PRKD1: variants seen among roughly 807,000 people sequenced by gnomAD.
PRKD1 encodes the protein protein kinase D1.
Under a neutral mutation model 95.9 loss-of-function variants are expected in PRKD1, and 63 were observed. The ratio of observed to expected loss-of-function variants is 0.66; its 90% CI spans 0.54 to 0.81. PRKD1 has a LOEUF of 0.81. PRKD1 is among the 30% of genes least tolerant of loss of function. The probability of loss-of-function intolerance (pLI) is 0.00; values close to 1 mark genes in which losing one functional copy is unlikely to be tolerated. For synonymous variants in PRKD1, 425 were observed against 423.1 expected (o/e 1.00, Z -0.05); for missense variants, 1,048 against 1,165.3 (o/e 0.90, Z 1.47).
chr14:29,752,458 G>A lies in PRKD1; in HGVS notation c.265-26784C>T, dbSNP rs1887521293. 2.0e-5 allele frequency among the ~76,000 whole-genome samples: 3 copies of A among 151,976 alleles called. No homozygotes were observed. In the South Asian group the frequency reaches 6.2e-4, roughly 32 times the overall value. On this transcript the variant is annotated intron_variant, in intron 1 of 17. Coordinates refer to ENST00000331968, the MANE Select transcript of PRKD1 (RefSeq NM_002742.3). ...TGTAACTTCCCTATAAAACTGCAGG[G>A]AAAGATAAAGTAATGGCTGGAGGTG...
chr14:29,631,744 C>T (rs2139115121), intron 9 of PRKD1, among the ~76,000 whole-genome samples: 1 of 152,176 alleles, frequency 6.6e-6, no homozygotes, highest in Admixed American at 6.5e-5. Flanking sequence ...ATGCTGCCTG[C>T]CTCGGTGTCC....
chr14:29,837,451 A>C (rs571868470), intron 1 of PRKD1, among the ~76,000 whole-genome samples: 5 of 152,184 alleles, frequency 3.3e-5, no homozygotes, highest in Non-Finnish European at 7.4e-5. Flanking sequence ...GAATTTAAAG[A>C]AGCTTACTAT....
chr14:29,699,580 T>G (rs1884721406), intron 2 of PRKD1, among the ~76,000 whole-genome samples: 1 of 152,192 alleles, frequency 6.6e-6, no homozygotes, highest in African/African-American at 2.4e-5. Context: ...TGGCAAAGTT[T>G]TCTCCAATTC....
intron 16 of PRKD1, among the ~76,000 whole-genome samples, chr14:29,580,208 C>A (rs1215818844): frequency 6.6e-6 from 1 of 152,140 alleles, no homozygotes; most frequent in East Asian, 1.9e-4. Flanking sequence ...TGGGCCCCAA[C>A]AGTGAACCAC....
At chr14:29,626,036 A>C (rs1405980360) in intron 12 of PRKD1, among the ~76,000 whole-genome samples, 4 of 152,174 alleles carry the variant, frequency 2.6e-5, no homozygotes, top group Non-Finnish European at 5.9e-5. Flanking sequence ...CAAAAATTAA[A>C]AAAAAATTCA....
At position 29,695,773 on chromosome 14, in the gene PRKD1, A is replaced by G. The variant is rs540004406; in HGVS notation, c.404-29565T>C. On this transcript the variant is annotated intron_variant, in intron 2 of 17. Coordinates refer to ENST00000331968, the MANE Select transcript of PRKD1 (RefSeq NM_002742.3). ...GAGTTTTGAGTTCATCTCTAGGGAA[A>G]TATCAGAAAAGAGGAAGAGTGCCAG... Among the ~76,000 whole-genome samples, 9 of 152,342 alleles carry G rather than the reference A, an allele frequency of 5.9e-5. No individual in the cohort carries two copies. The South Asian group carries it at 1.9e-3, about 32-fold the overall frequency.
At chr14:29,731,123 A>G (rs1164176830) in intron 1 of PRKD1, among the ~76,000 whole-genome samples, 1 of 152,200 alleles carries the variant, frequency 6.6e-6, no homozygotes, top group Non-Finnish European at 1.5e-5. Flanking sequence ...GTAAATATAC[A>G]TAAGTTTTGT....
chr14:29,620,085 A>T (rs867948491), intron 13 of PRKD1, among the ~76,000 whole-genome samples: 14 of 151,848 alleles, frequency 9.2e-5, no homozygotes, highest in African/African-American at 3.1e-4. Context: ...AGGATTCCCT[A>T]TTTAATAAAT....
chr14:29,737,328 C>CAAAAAAAAAAAAAAAAAAAAAAAAA, intron 1 of PRKD1, among the ~76,000 whole-genome samples: 1 of 37,910 alleles, frequency 2.6e-5, no homozygotes, highest in Non-Finnish European at 4.7e-5. Flanking sequence ...GACTCCGTCT[C>CAAAAAAAAAAAAAAAAAAAAAAAAA]AAAAAAAAAA....
At chr14:29,670,240 G>C (rs1882760858) in intron 2 of PRKD1, among the ~76,000 whole-genome samples, 1 of 152,100 alleles carries the variant, frequency 6.6e-6, no homozygotes, top group Non-Finnish European at 1.5e-5. Flanking sequence ...AAAGGACTAA[G>C]GAACGGTATC....
chr14:29,597,496 T>C lies in PRKD1; in HGVS notation c.2429A>G (p.His810Arg), dbSNP rs1163659663. Residue 810 changes from histidine (H) to arginine (R), a missense_variant, in exon 16 of 18, where the codon CAT becomes CGT. Coordinates refer to ENST00000331968, the MANE Select transcript of PRKD1 (RefSeq NM_002742.3). Reference protein sequence around the residue: ...YPPNPWKEISHEAIDLINNLL... With the variant: ...YPPNPWKEISREAIDLINNLL... ...TTTTGAATGGAAGATATTACCTTCA[T>C]GAGATATTTCCTTCCAGGGATTTGG... 1.3e-6 allele frequency: 2 copies of C among 1,581,272 alleles called. No individual in the cohort carries two copies. The highest frequency in any genetic ancestry group is 1.3e-5 in the African/African-American group (1 of 74,314).
At chr14:29,867,001 C>T (rs961396181) in intron 1 of PRKD1, among the ~76,000 whole-genome samples, 34 of 152,116 alleles carry the variant, frequency 2.2e-4, no homozygotes, top group Non-Finnish European at 4.7e-4. Context: ...CATAGTCTCA[C>T]CCCCAAAATT....
At chr14:29,613,224 C>T (rs1477513044) in intron 13 of PRKD1, among the ~76,000 whole-genome samples, 1 of 152,180 alleles carries the variant, frequency 6.6e-6, no homozygotes, top group African/African-American at 2.4e-5. Flanking sequence ...AAAGCACCCA[C>T]ATTTTGCACG....
At chr14:29,721,123 T>A (rs1437840027) in intron 2 of PRKD1, among the ~76,000 whole-genome samples, 1 of 152,220 alleles carries the variant, frequency 6.6e-6, no homozygotes, top group Admixed American at 6.5e-5. Context: ...CATTTTCAGC[T>A]CTTCTGTCAT....
At chr14:29,860,249 C>G (rs765664981) in intron 1 of PRKD1, among the ~76,000 whole-genome samples, 1 of 152,182 alleles carries the variant, frequency 6.6e-6, no homozygotes, top group Non-Finnish European at 1.5e-5. Flanking sequence ...AGACATGACC[C>G]ACTGTGTTGC....
chr14:29,737,714 T>C (rs924467201), intron 1 of PRKD1, among the ~76,000 whole-genome samples: 2 of 152,200 alleles, frequency 1.3e-5, no homozygotes, highest in African/African-American at 4.8e-5. Context: ...TTAGCTCCCT[T>C]GGTGGAGTGG....
At chr14:29,727,335 T>C (rs1045142605) in intron 1 of PRKD1, among the ~76,000 whole-genome samples, 1 of 152,076 alleles carries the variant, frequency 6.6e-6, no homozygotes, top group Non-Finnish European at 1.5e-5. Flanking sequence ...TCTTCTCCCA[T>C]TTTGTGGGTT....
intron 2 of PRKD1, among the ~76,000 whole-genome samples, chr14:29,714,825 A>G (rs547781793): frequency 8.9e-4 from 135 of 152,238 alleles, no homozygotes; most frequent in African/African-American, 3.2e-3. Context: ...GGATGAAACC[A>G]GAAACTATCA....
At chr14:29,646,141 G>T (rs1231627278) in intron 4 of PRKD1, among the ~76,000 whole-genome samples, 1 of 152,154 alleles carries the variant, frequency 6.6e-6, no homozygotes, top group East Asian at 1.9e-4. Flanking sequence ...GGGTAATTCA[G>T]AAAGGGGGTT....
Sources: allele counts gnomAD v4.1 joint callset (sites outside exome capture counted in the v4.1 genomes callset), GRCh38; gene constraint gnomAD v4.1.1; transcripts MANE v1.5; gene names NCBI Gene and HGNC (gene_info 2026-07-23, HGNC 2026-07-21).